The following EXOC6B variants were observed in gnomAD, a reference collection of about 807,000 sequenced individuals.
The protein encoded by EXOC6B is exocyst complex component 6B.
In EXOC6B, 54 loss-of-function variants were observed where a neutral mutation model predicts 113.5. That is an observed-to-expected ratio of 0.48 (90% CI 0.38 to 0.60). The LOEUF is 0.60. Ranked by LOEUF, EXOC6B falls within the 20% of genes least tolerant of loss-of-function variation. The pLI is 0.00. For missense variants in EXOC6B, 797 were observed against 977.5 expected, an observed-to-expected ratio of 0.82 and a Z score of 2.46; for synonymous variants, 357 against 339.0, an observed-to-expected ratio of 1.05 and a Z score of -0.58.
chr2:72,245,326 C>A (rs1385095438), intron 20 of EXOC6B, among the ~76,000 whole-genome samples: 2 of 152,058 alleles, frequency 1.3e-5, no homozygotes, highest in African/African-American at 4.8e-5. Context: ...CAAATAAATC[C>A]ATGCAAATAT....
At chr2:72,636,580 A>C (rs1672850342) in intron 6 of EXOC6B, among the ~76,000 whole-genome samples, 2 of 152,142 alleles carry the variant, frequency 1.3e-5, no homozygotes, top group Non-Finnish European at 2.9e-5. Flanking sequence ...AGGAAGAAAA[A>C]GCACCATATG....
intron 20 of EXOC6B, among the ~76,000 whole-genome samples, chr2:72,190,712 C>T (rs1678772404): frequency 6.6e-6 from 1 of 152,142 alleles, no homozygotes; most frequent in Non-Finnish European, 1.5e-5. Flanking sequence ...CACAGCTACT[C>T]TTTTATGCTT....
Position 72,498,606 on chromosome 2 carries a change from G to T in EXOC6B, c.1240-55C>A, listed in dbSNP as rs200519482. Reference sequence around the variant, plus strand: ...GTCTAAGGAAGGAGTTTTTTTTTCGGTTTTTTTTTTTTTTGGCAAAATGAG... The same window carrying T: ...GTCTAAGGAAGGAGTTTTTTTTTCGTTTTTTTTTTTTTTTGGCAAAATGAG... On this transcript the variant is annotated intron_variant, in intron 12 of 21. Transcript: ENST00000272427. 2,379 of 843,886 alleles carry T rather than the reference G, an allele frequency of 2.8e-3. 43 individuals carry two copies. In the East Asian group the frequency reaches 0.058, roughly 21 times the overall value. The allele number at this position is 843,886 out of a possible 1,614,324, so 52.3% of individuals were successfully genotyped here.
At chr2:72,371,617 A>G (rs1189686563) in intron 19 of EXOC6B, among the ~76,000 whole-genome samples, 1 of 152,208 alleles carries the variant, frequency 6.6e-6, no homozygotes, top group Non-Finnish European at 1.5e-5. Flanking sequence ...GCTGAAAAGC[A>G]TCTGATAAAA....
intron 13 of EXOC6B, 46 bp from the exon 14 acceptor site, chr2:72,496,605 TG>T (rs746645705): frequency 5.9e-5 from 67 of 1,140,254 alleles, no homozygotes; most frequent in East Asian, 1.3e-4. Flanking sequence ...ATAGACAAAG[TG>T]GGGGGGTAGG....
intron 6 of EXOC6B, among the ~76,000 whole-genome samples, chr2:72,677,767 G>A (rs1676417096): frequency 6.6e-6 from 1 of 152,218 alleles, no homozygotes; most frequent in African/African-American, 2.4e-5. Context: ...GTACTCAACA[G>A]TGCCTAACAT....
At chr2:72,630,256 C>T (rs1409864799) in intron 6 of EXOC6B, among the ~76,000 whole-genome samples, 1 of 152,166 alleles carries the variant, frequency 6.6e-6, no homozygotes, top group Non-Finnish European at 1.5e-5. Context: ...AGCCAGTCAT[C>T]CCCACATGCT....
chr2:72,821,147 A>C (rs1305692672), intron 1 of EXOC6B, among the ~76,000 whole-genome samples: 1 of 152,116 alleles, frequency 6.6e-6, no homozygotes, highest in East Asian at 1.9e-4. Flanking sequence ...CCTACAACTC[A>C]ACCAAAAAAA....
intron 20 of EXOC6B, among the ~76,000 whole-genome samples, chr2:72,261,347 T>C (rs989435644): frequency 1.1e-4 from 17 of 152,234 alleles, no homozygotes; most frequent in African/African-American, 4.1e-4. Flanking sequence ...ACATGCCTTA[T>C]CTATTCTCAT....
At chr2:72,453,138 T>C (rs2105368216) in intron 18 of EXOC6B, among the ~76,000 whole-genome samples, 1 of 152,290 alleles carries the variant, frequency 6.6e-6, no homozygotes, top group Non-Finnish European at 1.5e-5. Context: ...ATTCCAAAAA[T>C]ATATTATTTA....
At chr2:72,401,745 T>C (rs1197777793) in intron 18 of EXOC6B, among the ~76,000 whole-genome samples, 1 of 138,096 alleles carries the variant, frequency 7.2e-6, no homozygotes, top group Non-Finnish European at 1.5e-5. Context: ...GTCCATTATC[T>C]TAAGTGAAAT....
intron 17 of EXOC6B, among the ~76,000 whole-genome samples, chr2:72,468,378 T>C (rs894153912): frequency 6.6e-6 from 1 of 152,208 alleles, no homozygotes; most frequent in African/African-American, 2.4e-5. Flanking sequence ...TATCCAGTTT[T>C]CTCAACACCA....
At chr2:72,598,664 AGG>A (rs1180733811) in intron 6 of EXOC6B, among the ~76,000 whole-genome samples, 1 of 152,082 alleles carries the variant, frequency 6.6e-6, no homozygotes, top group Non-Finnish European at 1.5e-5. Flanking sequence ...AACTGCAAAA[AGG>A]GAGATAAACA....
chr2:72,511,446 A>C (rs961313017), intron 11 of EXOC6B, among the ~76,000 whole-genome samples: 16 of 152,024 alleles, frequency 1.1e-4, no homozygotes, highest in African/African-American at 2.9e-4. Context: ...CTTCCTAAAA[A>C]TCTCTTGAAT....
intron 5 of EXOC6B, among the ~76,000 whole-genome samples, chr2:72,718,825 G>C (rs1274103419): frequency 6.6e-6 from 1 of 152,086 alleles, no homozygotes; most frequent in Non-Finnish European, 1.5e-5. Context: ...CAGCCTAGAG[G>C]ACGAAGTGAG....
chr2:72,677,785 T>C (rs888223227), intron 6 of EXOC6B, among the ~76,000 whole-genome samples: 1 of 152,212 alleles, frequency 6.6e-6, no homozygotes, highest in African/African-American at 2.4e-5. Context: ...CATGAAGACA[T>C]GTAGAAAATC....
intron 20 of EXOC6B, among the ~76,000 whole-genome samples, chr2:72,286,785 T>C (rs191024070): frequency 1.3e-5 from 2 of 152,224 alleles, no homozygotes. Flanking sequence ...CTCTTAATTT[T>C]GTGGTAAAAT....
intron 20 of EXOC6B, among the ~76,000 whole-genome samples, chr2:72,304,515 T>G (rs1166443927): frequency 6.6e-6 from 1 of 152,212 alleles, no homozygotes; most frequent in Non-Finnish European, 1.5e-5. Context: ...AATCTAATAG[T>G]TGAAAAATGA....
intron 18 of EXOC6B, among the ~76,000 whole-genome samples, chr2:72,403,595 G>C (rs1693492980): frequency 1.3e-5 from 2 of 152,214 alleles, no homozygotes. Context: ...ATAAGAGACT[G>C]AGGTGGGAGG....
Sources: gnomAD v4.1 joint callset for allele counts (sites outside exome capture counted in the v4.1 genomes callset) on GRCh38, gnomAD v4.1.1 for gene constraint, MANE v1.5 for transcripts, NCBI Gene and HGNC (gene_info 2026-07-23, HGNC 2026-07-21) for gene names.